SIGLEC15: variants seen among roughly 807,000 people sequenced by gnomAD.
SIGLEC15 encodes the protein sialic acid-binding Ig-like lectin 15.
A neutral mutation model predicts 26.2 loss-of-function variants in SIGLEC15; 31 were observed. The ratio of observed to expected loss-of-function variants is 1.18; its 90% CI spans 0.89 to 1.60. The LOEUF (loss-of-function observed/expected upper bound fraction) is 1.60, where lower values mean the gene tolerates loss of function less well. Ranked by LOEUF, SIGLEC15 falls within the 40% of genes most tolerant of loss-of-function variation. The probability of loss-of-function intolerance (pLI) is 0.00; values close to 1 mark genes in which losing one functional copy is unlikely to be tolerated. For synonymous variants in SIGLEC15, 207 were observed against 221.9 expected, an observed-to-expected ratio of 0.93 and a Z score of 0.60; for missense variants, 501 against 488.4, an observed-to-expected ratio of 1.03 and a Z score of -0.24.
In SIGLEC15 at chr18:45,838,745, T is replaced by C; in HGVS notation, c.524T>C (p.Val175Ala). 6.3e-7 allele frequency: 1 copy of C among 1,583,582 alleles called. No homozygotes were observed. The highest frequency in any genetic ancestry group is 8.5e-7 in the Non-Finnish European group (1 of 1,173,370). The change falls in exon 4 of 6, where the codon GTG becomes GCG. Residue 175 changes from valine to alanine, a missense_variant. Transcript: ENST00000389474. The stretch of plus-strand genomic sequence containing the variant: ...GCGCCGCGGATCGTCAACATCTCGG[T>C]GCTGCCCAGTCCGGCTCACGCCTTC... ...TAAPRIVNIS[V>A]LPSPAHAFRA...
intron 1 of SIGLEC15, among the ~76,000 whole-genome samples, chr18:45,830,089 C>T (rs1298031758): frequency 6.6e-6 from 1 of 152,152 alleles, no homozygotes; most frequent in East Asian, 1.9e-4. Context: ...AGCAGCTCAG[C>T]TTTCTCTCTA....
chr18:45,827,858 T>G (rs2048198533), intron 1 of SIGLEC15, among the ~76,000 whole-genome samples: 1 of 152,210 alleles, frequency 6.6e-6, no homozygotes, highest in Non-Finnish European at 1.5e-5. Context: ...CACAAAGGAT[T>G]TAGAGGAAGC....
chr18:45,826,567 C>T (rs1483006868), intron 1 of SIGLEC15, among the ~76,000 whole-genome samples: 2 of 152,148 alleles, frequency 1.3e-5, no homozygotes, highest in Non-Finnish European at 2.9e-5. Context: ...ATGGCAAAGG[C>T]AATCCTCAGA....
chr18:45,842,442 T>A lies in SIGLEC15; in HGVS notation c.*255T>A, dbSNP rs569925. 69,410 of 341,272 alleles carry A rather than the reference T, an allele frequency of 0.2. 7,760 individuals are homozygous for A. Among genetic ancestry groups the A allele is most frequent in the African/African-American group, 0.41 (19,069 of 46,728 alleles). The allele number at this position is 341,272 out of a possible 1,614,324, so 21.1% of individuals were successfully genotyped here. On this transcript the variant is annotated 3_prime_UTR_variant, in exon 6 of 6. Coordinates refer to ENST00000389474, the MANE Select transcript of SIGLEC15 (RefSeq NM_213602.3). ...ATACGTCTGTGTGTGTGTGTGTGTG[T>A]GAGAGAGAGAGAGAGAGAGTACACG...
intron 1 of SIGLEC15, among the ~76,000 whole-genome samples, chr18:45,826,291 A>C (rs1003425521): frequency 1.3e-5 from 2 of 152,102 alleles, no homozygotes; most frequent in African/African-American, 4.8e-5. Flanking sequence ...GGTGAGTGGG[A>C]ACACTGTGGC....
At chr18:45,826,347 T>TCAATACCA (rs1333578167) in intron 1 of SIGLEC15, among the ~76,000 whole-genome samples, 11 of 152,092 alleles carry the variant, frequency 7.2e-5, no homozygotes, top group African/African-American at 2.7e-4. Flanking sequence ...GGTGACTTGG[T>TCAATACCA]ATCCTGGGAA....
In SIGLEC15 at chr18:45,837,102, T is replaced by TTA. The variant is rs2048281696; in HGVS notation, c.112+16_112+17dup. ...CAGAGGTGCACAGTAAGTGCTTTTA[T>TTA]TATTATCACCATCTCGGGGATCTTG... On this transcript the variant is annotated intron_variant, in intron 2 of 5. Transcript: ENST00000389474. The TTA allele has an allele frequency of 6.2e-7, 1 of 1,612,752 alleles. No individual in the cohort carries two copies. The highest frequency in any genetic ancestry group is 1.7e-5 in the Admixed American group (1 of 59,928).
intron 1 of SIGLEC15, among the ~76,000 whole-genome samples, chr18:45,830,583 C>CTTTCTTTT (rs1555656127): frequency 1.0e-5 from 1 of 96,702 alleles, no homozygotes; most frequent in South Asian, 3.7e-4. Flanking sequence ...ATTTTTCTTT[C>CTTTCTTTT]TTTTTTTTTT....
intron 1 of SIGLEC15, among the ~76,000 whole-genome samples, chr18:45,830,792 G>T (rs1484787199): frequency 1.3e-5 from 2 of 149,402 alleles, no homozygotes; most frequent in Non-Finnish European, 3.0e-5. Flanking sequence ...TAGAGACGGG[G>T]TTTCACCATA....
intron 1 of SIGLEC15, among the ~76,000 whole-genome samples, chr18:45,826,286 G>A (rs1160850142): frequency 6.6e-6 from 1 of 152,188 alleles, no homozygotes; most frequent in Non-Finnish European, 1.5e-5. Context: ...CAGTGGGTGA[G>A]TGGGAACACT....
Position 45,837,842 on chromosome 18 carries a change from G to T in SIGLEC15, c.442G>T (p.Gly148Cys), listed in dbSNP as rs780010555. Reference sequence around the variant, plus strand: ...CTACTTCTGCCGCGTCGAGTTCGCCGGCGACGTCCATGACCGCTACGAGAG... The same window carrying T: ...CTACTTCTGCCGCGTCGAGTTCGCCTGCGACGTCCATGACCGCTACGAGAG... ...RRYFCRVEFA[G>C]DVHDRYESRH... is the part of the protein sequence containing the mutation. Residue 148 changes from glycine (G) to cysteine (C), a missense_variant, in exon 3 of 6, where the codon GGC (glycine) becomes TGC (cysteine). Physicochemically the swap from Gly to Cys is radical, Grantham distance 159. Coordinates refer to ENST00000389474, the MANE Select transcript of SIGLEC15 (RefSeq NM_213602.3). 17 of 1,537,290 alleles carry T rather than the reference G, an allele frequency of 1.1e-5. No homozygotes were observed. The highest frequency in any genetic ancestry group is 2.4e-5 in the South Asian group (2 of 84,396).
rs772254267 is a variant in SIGLEC15 at position 45,837,765 on chromosome 18, G to A, written c.365G>A (p.Arg122His). 4.6e-6 allele frequency: 7 copies of A among 1,521,704 alleles called. No homozygotes were observed. In the African/African-American group the frequency reaches 5.7e-5, roughly 12 times the overall value. The allele number at this position is 1,521,704 out of a possible 1,614,324, so 94.3% of individuals were successfully genotyped here. The change falls in exon 3 of 6, where the codon CGC (arginine) becomes CAC (histidine). Residue 122 changes from arginine (R) to histidine (H), a missense_variant. Arg to His is a conservative substitution (Grantham distance 29). Coordinates refer to ENST00000389474, the MANE Select transcript of SIGLEC15 (RefSeq NM_213602.3). ...TTCCGGCTGCTGGGCAACCCGCGCC[G>A]CAACGACCTCTCGCTGCGCGTCGAG... is the stretch of plus-strand genomic sequence containing the variant. ...GRFRLLGNPR[R>H]NDLSLRVERL...
At chr18:45,828,328 A>G (rs1358731533) in intron 1 of SIGLEC15, among the ~76,000 whole-genome samples, 1 of 152,040 alleles carries the variant, frequency 6.6e-6, no homozygotes, top group Non-Finnish European at 1.5e-5. Flanking sequence ...GGAGACCCCC[A>G]TACTCGACAC....
chr18:45,835,999 A>G (rs2048273132), intron 1 of SIGLEC15, among the ~76,000 whole-genome samples: 1 of 152,206 alleles, frequency 6.6e-6, no homozygotes, highest in Admixed American at 6.5e-5. Context: ...ACCAGAGAAC[A>G]ATGGCGGTCC....
Position 45,842,480 on chromosome 18 carries a change from C to A in SIGLEC15, c.*293C>A. 2.8e-6 allele frequency: 1 copy of A among 357,442 alleles called. No individual in the cohort carries two copies. The highest frequency in any genetic ancestry group is 4.8e-5 in the East Asian group (1 of 20,624). 22.1% of individuals were successfully genotyped at this position (357,442 alleles called of 1,614,324 possible). On this transcript the variant is annotated 3_prime_UTR_variant, in exon 6 of 6. Coordinates refer to ENST00000389474, the MANE Select transcript of SIGLEC15 (RefSeq NM_213602.3). ...GAGAGAGTACACGCATTAGCTTGAG[C>A]GTGAAACTTCCAGAAATGTTCCCTT...
rs1369739420 is a variant in SIGLEC15 at position 45,841,725 on chromosome 18, G to C, written c.906-381G>C. Among the ~76,000 whole-genome samples, 6 of 152,196 alleles carry C rather than the reference G, an allele frequency of 3.9e-5. No homozygotes were observed. The East Asian group carries it at 1.2e-3, about 29-fold the overall frequency. Reference sequence around the variant, plus strand: ...AGACAAGAGGAGAAGAGAGTGGGGCGGGTGTGAGGGTCATGCGTAGCACAG... The same window carrying C: ...AGACAAGAGGAGAAGAGAGTGGGGCCGGTGTGAGGGTCATGCGTAGCACAG... On this transcript the variant is annotated intron_variant, in intron 5 of 5. Transcript: ENST00000389474.
chr18:45,841,238 G>A (rs1300386538), intron 5 of SIGLEC15: 1 of 153,134 alleles, frequency 6.5e-6, no homozygotes, highest in African/African-American at 2.4e-5. Flanking sequence ...CCTGAGGATG[G>A]AGGCTGGGGC....
intron 5 of SIGLEC15, chr18:45,840,931 C>T (rs1487603173): frequency 6.6e-6 from 1 of 152,354 alleles, no homozygotes; most frequent in Non-Finnish European, 1.5e-5. Flanking sequence ...TACTGTCGCA[C>T]CAACGCCCCT....
rs181751478 is a variant in SIGLEC15 at position 45,837,823 on chromosome 18, C to G, written c.423C>G (p.Phe141Leu). The change falls in exon 3 of 6, where the codon TTC becomes TTG. Residue 141 changes from phenylalanine to leucine, a missense_variant. By Grantham distance (22) the Phe-to-Leu change is conservative (BLOSUM62 0). Coordinates refer to ENST00000389474, the MANE Select transcript of SIGLEC15 (RefSeq NM_213602.3). ...RLALADDRRY[F>L]CRVEFAGDVH... The stretch of plus-strand genomic sequence containing the variant: ...CCCTGGCTGACGACCGCCGCTACTT[C>G]TGCCGCGTCGAGTTCGCCGGCGACG... 7.2e-6 allele frequency: 11 copies of G among 1,535,626 alleles called. No individual in the cohort carries two copies. The highest frequency in any genetic ancestry group is 5.7e-5 in the African/African-American group (4 of 70,270).
Sources: gnomAD v4.1 joint callset for allele counts (sites outside exome capture counted in the v4.1 genomes callset) on GRCh38, gnomAD v4.1.1 for gene constraint, MANE v1.5 for transcripts, NCBI Gene and HGNC (gene_info 2026-07-23, HGNC 2026-07-21) for gene names.